Variants in TDRD1 observed in about 807,000 individuals in gnomAD.
The protein encoded by TDRD1 is tudor domain containing 1.
Under a neutral mutation model 140.6 loss-of-function variants are expected in TDRD1, and 37 were observed. The observed-to-expected ratio is 0.26, with a 90% CI of 0.20 to 0.35. TDRD1 has a LOEUF of 0.35. TDRD1 is among the 10% of genes least tolerant of loss of function. TDRD1 has a pLI of 1.00. For synonymous variants in TDRD1, 506 were observed against 475.7 expected (o/e 1.06, Z -0.83); for missense variants, 1,243 against 1,393.0 (o/e 0.89, Z 1.71).
intron 23 of TDRD1, among the ~76,000 whole-genome samples, chr10:114,227,619 T>A (rs897613093): frequency 4.6e-5 from 7 of 152,242 alleles, no homozygotes; most frequent in African/African-American, 1.7e-4. Context: ...TGAGAAGTCA[T>A]ATTTTTGAGA....
chr10:114,225,401 G>T (rs945632937), intron 21 of TDRD1, among the ~76,000 whole-genome samples: 19 of 152,264 alleles, frequency 1.2e-4, no homozygotes, highest in Admixed American at 1.1e-3. Context: ...AGGGGTTGGG[G>T]ATTTGTGATG....
At chr10:114,210,605 T>G in exon 12 of TDRD1, 1 of 1,595,788 alleles carries the variant, frequency 6.3e-7, no homozygotes, top group Non-Finnish European at 8.6e-7. Flanking sequence ...GTTGGAAAAA[T>G]GACAACTGAA....
upstream of TDRD1, among the ~76,000 whole-genome samples, chr10:114,177,428 G>T (rs921586910): frequency 6.6e-6 from 1 of 152,110 alleles, no homozygotes; most frequent in African/African-American, 2.4e-5. Context: ...TACCTCTGTG[G>T]TCTTCCTTCC....
chr10:114,226,106 T>A, exon 22 of TDRD1: 1 of 1,613,958 alleles, frequency 6.2e-7, no homozygotes, highest in Non-Finnish European at 8.5e-7. Flanking sequence ...GATGTGGAAG[T>A]GCTCTATGCA....
intron 25 of TDRD1, chr10:114,228,396 T>G: frequency 1.7e-6 from 2 of 1,172,302 alleles, no homozygotes; most frequent in Non-Finnish European, 2.1e-6. Context: ...TGTGAATGCC[T>G]ATGTTATTGA....
At chr10:114,204,672 A>C (rs768487256) in intron 9 of TDRD1, 50 bp from the exon 10 acceptor site, 58 of 1,534,634 alleles carry the variant, frequency 3.8e-5, no homozygotes, top group Non-Finnish European at 5.0e-5. Context: ...ATTAGAAAAA[A>C]TCATTTTTAA....
chr10:114,205,885 C>CA (rs2035068311), intron 10 of TDRD1, among the ~76,000 whole-genome samples: 1 of 152,172 alleles, frequency 6.6e-6, no homozygotes, highest in Non-Finnish European at 1.5e-5. Flanking sequence ...ATTTGTAACT[C>CA]AAAGGATGCT....
At chr10:114,176,945 TA>T (rs1227509824), upstream of TDRD1, among the ~76,000 whole-genome samples, 4 of 152,190 alleles carry the variant, frequency 2.6e-5, no homozygotes, top group African/African-American at 9.6e-5. This position sits in a 1 kb window ranked among gnomAD's most constrained non-coding sequence, Gnocchi z 4.2. Flanking sequence ...TCCCAGAAAG[TA>T]ATAAAGTGCT....
intron 10 of TDRD1, 89 bp downstream of exon 10, chr10:114,204,982 A>G: frequency 8.4e-7 from 1 of 1,187,370 alleles, no homozygotes; most frequent in South Asian, 1.9e-5. Context: ...AAGTGAGGCC[A>G]GGTAAACTGC....
At chr10:114,228,577 A>G (rs984996361) in intron 25 of TDRD1, 1 of 985,280 alleles carries the variant, frequency 1.0e-6, no homozygotes, top group African/African-American at 1.7e-5. Context: ...CTAAAGGGCC[A>G]AGAACGGAAA....
chr10:114,201,403 T>A lies in TDRD1; in HGVS notation c.530-7T>A. 1 of 1,613,022 alleles carries A rather than the reference T, an allele frequency of 6.2e-7. No homozygotes were observed. The highest frequency in any genetic ancestry group is 8.5e-7 in the Non-Finnish European group (1 of 1,179,122). On this transcript the variant is annotated splice_polypyrimidine_tract_variant and splice_region_variant and intron_variant, in intron 4 of 25. Coordinates refer to ENST00000251864, the Ensembl canonical transcript of TDRD1. ...ATCTGAACTATTTTGTGGGTGGTGTTTTCTAGGATCGCTGAGGTGCTCTCA... is the reference window on the plus strand; with the variant it reads ...ATCTGAACTATTTTGTGGGTGGTGTATTCTAGGATCGCTGAGGTGCTCTCA...
chr10:114,203,236 T>C lies in TDRD1; in HGVS notation c.801+60T>C. ...TCCAGAGAACTGTATTTATTCTCGT[T>C]TCCTATTTTTGAGTTCATGCGGTAG... On this transcript the variant is annotated intron_variant, in intron 7 of 25. Transcript: ENST00000251864. 3 of 1,512,030 alleles carry C rather than the reference T, an allele frequency of 2.0e-6. No individual in the cohort carries two copies. The South Asian group carries it at 3.5e-5, about 18-fold the overall frequency. 93.7% of individuals were successfully genotyped at this position (1,512,030 alleles called of 1,614,324 possible). A position where few individuals can be genotyped will look rare whatever the true frequency, so the allele number is the denominator to read the frequency against.
chr10:114,221,207 T>G, intron 19 of TDRD1, 150 bp from the exon 20 acceptor site: 1 of 878,232 alleles, frequency 1.1e-6, no homozygotes, highest in Non-Finnish European at 1.7e-6. Context: ...GAATAGATTG[T>G]TTTGTGAAAA....
intron 21 of TDRD1, among the ~76,000 whole-genome samples, chr10:114,224,353 C>G (rs1275016230): frequency 6.6e-6 from 1 of 152,136 alleles, no homozygotes; most frequent in African/African-American, 2.4e-5. Flanking sequence ...TGTTAGTATT[C>G]TCACCTGTTT....
intron 3 of TDRD1, among the ~76,000 whole-genome samples, chr10:114,194,627 AT>A (rs1297764139): frequency 2.8e-5 from 4 of 144,658 alleles, no homozygotes; most frequent in African/African-American, 7.7e-5. Flanking sequence ...TCTTTGTTTC[AT>A]TTTTTTTCCT....
intron 18 of TDRD1, among the ~76,000 whole-genome samples, chr10:114,219,218 G>A (rs188348730): frequency 1.1e-4 from 17 of 152,294 alleles, no homozygotes; most frequent in Non-Finnish European, 1.9e-4. Flanking sequence ...GACAATAGAC[G>A]TCAGAGCCAA....
chr10:114,203,367 C>CT lies in TDRD1; in HGVS notation c.802-12dup, dbSNP rs11313522. 2,757 of 1,547,538 alleles carry CT rather than the reference C, an allele frequency of 1.8e-3. 5 individuals carry two copies. The highest frequency in any genetic ancestry group is 3.9e-3 in the East Asian group (170 of 44,002). Reference sequence around the variant, plus strand: ...CTTGTGTGCCTTATGAATTATTCCTCTTTTTTTTTATCTTTGAAAGGGTAC... The same window carrying CT: ...CTTGTGTGCCTTATGAATTATTCCTCTTTTTTTTTTATCTTTGAAAGGGTAC... On this transcript the variant is annotated intron_variant, in intron 7 of 25. Coordinates refer to ENST00000251864, the Ensembl canonical transcript of TDRD1.
At chr10:114,207,018 A>G (rs751602811) in intron 11 of TDRD1, among the ~76,000 whole-genome samples, 8 of 152,212 alleles carry the variant, frequency 5.3e-5, no homozygotes, top group Non-Finnish European at 1.0e-4. Flanking sequence ...CCAGTAGGAC[A>G]GTGTTTCTGA....
chr10:114,218,844 C>T (rs1016072068), intron 18 of TDRD1, among the ~76,000 whole-genome samples: 7 of 152,190 alleles, frequency 4.6e-5, no homozygotes, highest in Admixed American at 6.5e-5. Flanking sequence ...GAACCTCCAG[C>T]GTTCATACCT....
Sources: gnomAD v4.1 joint callset for allele counts (sites outside exome capture counted in the v4.1 genomes callset) on GRCh38, gnomAD v4.1.1 for gene constraint, Gnocchi (gnomAD v3.1) non-coding constraint, MANE v1.5 for transcripts, NCBI Gene and HGNC (gene_info 2026-07-23, HGNC 2026-07-21) for gene names.